The following VPS13B variants were observed in gnomAD, a reference collection of about 807,000 sequenced individuals.
VPS13B encodes intermembrane lipid transfer protein VPS13B.
In VPS13B, 285 loss-of-function variants were observed where a neutral mutation model predicts 426.4. The ratio of observed to expected loss-of-function variants is 0.67; its 90% CI spans 0.61 to 0.74. The LOEUF is 0.74. VPS13B is among the 30% of genes least tolerant of loss of function. The pLI is 0.00. For missense variants in VPS13B, 4,537 were observed against 4,782.6 expected (o/e 0.95, Z 1.51); for synonymous variants, 1,676 against 1,676.4 (o/e 1.00, Z 0.01).
chr8:99,696,316 T>C (rs115593922), intron 35 of VPS13B: 3,327 of 247,784 alleles, frequency 0.013, 126 homozygotes, highest in African/African-American at 0.07. Context: ...GGTGAATAAG[T>C]CGCTCGGGCA....
At chr8:99,578,258 TA>T (rs574611739) in intron 33 of VPS13B, among the ~76,000 whole-genome samples, 15 of 152,260 alleles carry the variant, frequency 9.9e-5, no homozygotes, top group African/African-American at 2.9e-4. Flanking sequence ...GTACTTAGAA[TA>T]AATATTTTAT....
chr8:99,708,514 G>T (rs1340544700), intron 36 of VPS13B, among the ~76,000 whole-genome samples: 1 of 152,020 alleles, frequency 6.6e-6, no homozygotes, highest in African/African-American at 2.4e-5. Flanking sequence ...AAACAAAGAG[G>T]TTTGAATTAA....
rs59449690 is a variant in VPS13B at position 99,614,272 on chromosome 8, CAT to C, written c.5221-27526_5221-27525del. ...TTTTATACACACACACACACACACA[CAT>C]ATATATATATATGTATTTTTGAGAT... On this transcript the variant is annotated intron_variant, in intron 33 of 61. Transcript: ENST00000357162. 8.6e-3 allele frequency among the ~76,000 whole-genome samples: 1,279 copies of C among 147,940 alleles called. 14 individuals carry two copies. The highest frequency in any genetic ancestry group is 0.028 in the African/African-American group (1,082 of 38,674).
intron 17 of VPS13B, among the ~76,000 whole-genome samples, chr8:99,255,446 T>C (rs1817696662): frequency 6.6e-6 from 1 of 152,224 alleles, no homozygotes; most frequent in African/African-American, 2.4e-5. Flanking sequence ...TGATTTTTAT[T>C]TGAAACCTGG....
chr8:99,727,656 T>C (rs1313968501), intron 39 of VPS13B, among the ~76,000 whole-genome samples: 1 of 152,182 alleles, frequency 6.6e-6, no homozygotes, highest in Non-Finnish European at 1.5e-5. Context: ...ACCTGCCCCC[T>C]GATTCATTCA....
At chr8:99,706,045 G>T (rs537973137) in intron 36 of VPS13B, among the ~76,000 whole-genome samples, 1 of 151,948 alleles carries the variant, frequency 6.6e-6, no homozygotes, top group Non-Finnish European at 1.5e-5. Context: ...ACCTGAACTC[G>T]ATTTGAACCT....
rs958338802 is a variant in VPS13B, at chr8:99,758,094, T to C, written c.7051-8680T>C. On this transcript the variant is annotated intron_variant, in intron 39 of 61. Coordinates refer to ENST00000357162, the MANE Select transcript of VPS13B (RefSeq NM_152564.5). ...AATAACAAATCCTTAGTTATAGATA[T>C]TGTAACTAAAGATCATTCACGTCAT... Among the ~76,000 whole-genome samples the C allele has an allele frequency of 3.3e-5, 5 of 152,206 alleles. No individual in the cohort carries two copies. In the East Asian group the frequency reaches 5.8e-4, roughly 18 times the overall value.
At chr8:99,214,169 C>G (rs1455289950) in intron 17 of VPS13B, among the ~76,000 whole-genome samples, 3 of 152,152 alleles carry the variant, frequency 2.0e-5, no homozygotes, top group African/African-American at 7.2e-5. Flanking sequence ...AATAATCTGG[C>G]TCACTCTTTG....
chr8:99,275,518 G>T (rs1818853873), intron 19 of VPS13B, among the ~76,000 whole-genome samples: 1 of 151,854 alleles, frequency 6.6e-6, no homozygotes, highest in Non-Finnish European at 1.5e-5. Context: ...TATATATAAG[G>T]AACAACTGAG....
chr8:99,425,815 C>A (rs1470522940), intron 21 of VPS13B, among the ~76,000 whole-genome samples: 1 of 152,146 alleles, frequency 6.6e-6, no homozygotes, highest in African/African-American at 2.4e-5. Flanking sequence ...ATCATCTCAG[C>A]CCAAAATCTC....
intron 17 of VPS13B, chr8:99,233,267 CT>C: frequency 8.5e-7 from 1 of 1,180,662 alleles, no homozygotes; most frequent in Non-Finnish European, 1.3e-6. Context: ...GTCTTGCCAC[CT>C]TTGCCAATCA....
At position 99,577,597 on chromosome 8, in the gene VPS13B, T is replaced by C. The variant is rs2133812127; in HGVS notation, c.5184T>C (p.Asn1728=). The C allele has an allele frequency of 6.2e-7, 1 of 1,613,836 alleles. No homozygotes were observed. Among genetic ancestry groups the C allele is most frequent in the Non-Finnish European group, 8.5e-7 (1 of 1,179,774 alleles). ...TCTTACATCAGTTAATAGTAGCAAA[T>C]ATGACTGGACTGGAACCATCAAACA... ...VQLLHQLIVA[N]MTGLEPSNKA... Residue 1728 remains asparagine (N), a synonymous_variant, in exon 33 of 62, where the codon AAT becomes AAC. Transcript: ENST00000357162.
At chr8:99,112,777 G>C (rs887171654) in intron 6 of VPS13B, among the ~76,000 whole-genome samples, 5 of 152,056 alleles carry the variant, frequency 3.3e-5, no homozygotes, top group Non-Finnish European at 7.4e-5. Flanking sequence ...CAAATGTAAT[G>C]GTCTATTCTA....
intron 33 of VPS13B, among the ~76,000 whole-genome samples, chr8:99,637,904 A>G (rs1829134383): frequency 6.6e-6 from 1 of 152,162 alleles, no homozygotes; most frequent in Non-Finnish European, 1.5e-5. Context: ...GGAGTTTGCC[A>G]TGGAACTCAA....
chr8:99,085,946 C>T (rs1027158847), intron 3 of VPS13B, among the ~76,000 whole-genome samples: 7 of 152,076 alleles, frequency 4.6e-5, no homozygotes, highest in Non-Finnish European at 8.8e-5. Flanking sequence ...AATTATGTTG[C>T]TCTTCTCGAG....
intron 8 of VPS13B, among the ~76,000 whole-genome samples, chr8:99,132,220 T>C (rs888453144): frequency 4.6e-5 from 7 of 152,112 alleles, no homozygotes; most frequent in African/African-American, 1.7e-4. Context: ...TCTGTCGAAA[T>C]TGAAGTCAGT....
At chr8:99,430,916 C>G (rs1252234036) in intron 21 of VPS13B, among the ~76,000 whole-genome samples, 2 of 152,096 alleles carry the variant, frequency 1.3e-5, no homozygotes, top group African/African-American at 4.8e-5. Flanking sequence ...CGGGGTTTCA[C>G]CATGTTAGCC....
At chr8:99,161,279 T>G (rs1811635263) in intron 15 of VPS13B, among the ~76,000 whole-genome samples, 2 of 152,226 alleles carry the variant, frequency 1.3e-5, no homozygotes, top group South Asian at 4.1e-4. Flanking sequence ...TGTTTTTTCA[T>G]GTCAATAATA....
At position 99,233,378 on chromosome 8, in the gene VPS13B, G is replaced by A. The variant is rs1164101694; in HGVS notation, c.2515+40321G>A. 32 of 1,068,922 alleles carry A rather than the reference G, an allele frequency of 3.0e-5. No individual in the cohort carries two copies. The East Asian group carries it at 3.5e-4, about 12-fold the overall frequency. The allele number at this position is 1,068,922 out of a possible 1,614,324, so 66.2% of individuals were successfully genotyped here. A position where few individuals can be genotyped will look rare whatever the true frequency, so the allele number is the denominator to read the frequency against. On this transcript the variant is annotated intron_variant, in intron 17 of 61. Coordinates refer to ENST00000357162, the MANE Select transcript of VPS13B (RefSeq NM_152564.5). ...TCTTCTTTTAGTTTCCCGAAGATCC[G>A]TCCCTGGGCCTTGATGGAGGCTCTG...
Sources: gnomAD v4.1 joint callset for allele counts (sites outside exome capture counted in the v4.1 genomes callset) on GRCh38, gnomAD v4.1.1 for gene constraint, MANE v1.5 for transcripts, NCBI Gene and HGNC (gene_info 2026-07-23, HGNC 2026-07-21) for gene names.